Variants in MCM4 observed in about 807,000 individuals in gnomAD.
MCM4 encodes DNA replication licensing factor MCM4.
In MCM4, 60 loss-of-function variants were observed where a neutral mutation model predicts 88.7. The ratio of observed to expected loss-of-function variants is 0.68; its 90% confidence interval spans 0.55 to 0.84. The LOEUF (loss-of-function observed/expected upper bound fraction) is 0.84, where lower values mean the gene tolerates loss of function less well. Among genes scored for constraint, MCM4 ranks in the 40% least tolerant of loss-of-function variants. MCM4 has a pLI of 0.00. For synonymous variants in MCM4, 465 were observed against 410.5 expected, an observed-to-expected ratio of 1.13 and a Z score of -1.61; for missense variants, 1,149 against 1,105.5, an observed-to-expected ratio of 1.04 and a Z score of -0.56.
intron 15 of MCM4, 55 bp downstream of exon 15, chr8:47,975,017 T>A: frequency 7.3e-7 from 1 of 1,364,050 alleles, no homozygotes; most frequent in Non-Finnish European, 1.0e-6. Context: ...AATATGCATG[T>A]AGTTTATATG....
chr8:47,973,419 G>A (rs959256153), intron 14 of MCM4, among the ~76,000 whole-genome samples: 4 of 152,094 alleles, frequency 2.6e-5, no homozygotes, highest in Non-Finnish European at 2.9e-5. Context: ...CAAGTGATGC[G>A]CCAGCCTCTG....
Position 47,973,010 on chromosome 8 carries a change from G to T in MCM4, c.2082G>T (p.Ala694=), listed in dbSNP as rs201709288. The part of the protein sequence containing the change: ...MAVLKDYIAY[A]HSTIMPRLSE... ...TGCTAAAGGACTACATTGCCTACGC[G>T]CACAGCACCATCATGCCGCGGCTAA... is the stretch of plus-strand genomic sequence containing the variant. Residue 694 remains alanine, a synonymous_variant, in exon 14 of 17, where the codon GCG becomes GCT. Coordinates refer to ENST00000649973, the MANE Select transcript of MCM4 (RefSeq NM_182746.3). 3.1e-6 allele frequency: 5 copies of T among 1,614,022 alleles called. No homozygotes were observed. Among genetic ancestry groups the T allele is most frequent in the East Asian group, 2.2e-5 (1 of 44,872 alleles).
At chr8:47,972,344 C>T (rs1014691417) in intron 13 of MCM4, among the ~76,000 whole-genome samples, 3 of 151,858 alleles carry the variant, frequency 2.0e-5, no homozygotes, top group Admixed American at 6.6e-5. Context: ...TTCCCTGGGC[C>T]GACCTAAGGA....
In MCM4 at chr8:47,975,847, T is replaced by C; in HGVS notation, c.2498T>C (p.Ile833Thr). ...GAAGATATTCGGGGACAATCTGACA[T>C]AGTAAGTGTTTATATGTATTTTTTG... ...LFEDIRGQSD[I>T]AITKDMFEEA... The change falls in exon 16 of 17, where the codon ATA becomes ACA. Residue 833 changes from isoleucine to threonine, a missense_variant and splice_region_variant. Ile to Thr is a moderately conservative substitution (Grantham distance 89, BLOSUM62 -1). This residue lies in a region of MCM4 where 238 missense variants were observed against 241.6 expected (regional missense o/e 0.99). Transcript: ENST00000649973. The C allele has an allele frequency of 6.4e-7, 1 of 1,554,802 alleles. No homozygotes were observed. Among genetic ancestry groups the C allele is most frequent in the Admixed American group, 2.1e-5 (1 of 47,306 alleles).
At position 47,970,591 on chromosome 8, in the gene MCM4, C is replaced by G; in HGVS notation, c.1515C>G (p.Asn505Lys). 6.2e-7 allele frequency: 1 copy of G among 1,614,180 alleles called. No individual in the cohort carries two copies. Among genetic ancestry groups the G allele is most frequent in the Non-Finnish European group, 8.5e-7 (1 of 1,180,028 alleles). The part of the protein sequence containing the change: ...TGRGKFRAEI[N>K]ILLCGDPGTS... The stretch of plus-strand genomic sequence containing the variant: ...GGGGCAAATTTCGGGCTGAGATCAA[C>G]ATCTTGCTGTGTGGCGACCCTGGTA... The change falls in exon 12 of 17, where the codon AAC (asparagine) becomes AAG (lysine). Residue 505 changes from asparagine (N) to lysine (K), a missense_variant. By Grantham distance (94) the Asn-to-Lys change is moderately conservative. This residue lies in a region of MCM4 where 906 missense variants were observed against 843.0 expected (regional missense o/e 1.07). Transcript: ENST00000649973.
chr8:47,976,536 C>A (rs781409132), intron 16 of MCM4, 150 bp from the exon 17 acceptor site: 1 of 542,978 alleles, frequency 1.8e-6, no homozygotes, highest in Non-Finnish European at 3.4e-6. Context: ...TCTGGCTACT[C>A]CACTCCTGAT....
chr8:47,967,071 G>A (rs749729883), intron 9 of MCM4, among the ~76,000 whole-genome samples: 1 of 152,194 alleles, frequency 6.6e-6, no homozygotes, highest in Non-Finnish European at 1.5e-5. Flanking sequence ...AGCATCCTTA[G>A]GCCTCTCAGA....
chr8:47,970,883 C>A lies in MCM4; in HGVS notation c.1800+7C>A. On this transcript the variant is annotated splice_region_variant and intron_variant, in intron 12 of 16. Coordinates refer to ENST00000649973, the MANE Select transcript of MCM4 (RefSeq NM_182746.3). ...GACTCTGTCCATTGCAAAGGTGAGT[C>A]GCCTTCTCCACCGTGAACATGGACG... 4 of 1,576,718 alleles carry A rather than the reference C, an allele frequency of 2.5e-6. No homozygotes were observed. In the South Asian group the frequency reaches 4.6e-5, roughly 18 times the overall value.
At position 47,962,654 on chromosome 8, in the gene MCM4, A is replaced by G. The variant is rs149001405; in HGVS notation, c.502-110A>G. 6.2e-4 allele frequency: 466 copies of G among 751,814 alleles called. 1 individual carries two copies. The African/African-American group carries it at 7.0e-3, about 11-fold the overall frequency. The allele number at this position is 751,814 out of a possible 1,614,324, so 46.6% of individuals were successfully genotyped here. On this transcript the variant is annotated intron_variant, in intron 5 of 16. Coordinates refer to ENST00000649973, the MANE Select transcript of MCM4 (RefSeq NM_182746.3). The stretch of plus-strand genomic sequence containing the variant: ...TTAGAAAAGAAAAAGGAAGAAAAAT[A>G]TTATTTATTTCTGTCTCCTGATAGT...
intron 10 of MCM4, among the ~76,000 whole-genome samples, chr8:47,967,837 G>C (rs1289376318): frequency 6.6e-6 from 1 of 152,146 alleles, no homozygotes; most frequent in Non-Finnish European, 1.5e-5. Flanking sequence ...GTAAAGTTTT[G>C]AGTTATGCCA....
intron 15 of MCM4, 63 bp downstream of exon 15, chr8:47,975,025 A>G (rs2090989636): frequency 2.3e-6 from 3 of 1,309,910 alleles, no homozygotes; most frequent in African/African-American, 3.0e-5. Context: ...TGTAGTTTAT[A>G]TGTCAGATTT....
At chr8:47,966,500 C>T in intron 9 of MCM4, 93 bp downstream of exon 9, 1 of 1,249,424 alleles carries the variant, frequency 8.0e-7, no homozygotes, top group Non-Finnish European at 1.1e-6. Flanking sequence ...CTGAGCCTCA[C>T]TTCCCGAATG....
chr8:47,966,332 T>C lies in MCM4; in HGVS notation c.978T>C (p.Ser326=), dbSNP rs886062977. 1 of 1,613,970 alleles carries C rather than the reference T, an allele frequency of 6.2e-7. No homozygotes were observed. The highest frequency in any genetic ancestry group is 2.2e-5 in the East Asian group (1 of 44,878). The change falls in exon 9 of 17, where the codon AGT becomes AGC. Residue 326 remains serine (S), a synonymous_variant. Coordinates refer to ENST00000649973, the MANE Select transcript of MCM4 (RefSeq NM_182746.3). ...ACCGCGGCCGCATTGCAGAGCCCAG[T>C]GTGTGCGGGCGCTGCCACACCACCC... ...EMDRGRIAEP[S]VCGRCHTTHS...
rs745688232 is a variant in MCM4, at chr8:47,971,448, G to A, written c.1908G>A (p.Leu636=). The part of the protein sequence containing the change: ...PKKTTIENIQ[L]PHTLLSRFDL... ...AAACAACCATTGAAAACATCCAGCT[G>A]CCTCATACTTTATTATCAAGGTATT... The change falls in exon 13 of 17, where the codon CTG becomes CTA. Residue 636 remains leucine (L), a synonymous_variant. Transcript: ENST00000649973. 8.7e-6 allele frequency: 14 copies of A among 1,614,004 alleles called. No individual in the cohort carries two copies. The highest frequency in any genetic ancestry group is 1.2e-5 in the Non-Finnish European group (14 of 1,179,954).
intron 10 of MCM4, 152 bp from the exon 11 acceptor site, chr8:47,969,646 G>A: frequency 1.5e-6 from 1 of 672,328 alleles, no homozygotes; most frequent in South Asian, 1.9e-5. Context: ...GGGCTTGGGA[G>A]GGTCATTTAA....
rs143210975 is a variant in MCM4 at position 47,962,385 on chromosome 8, A to G, written c.480A>G (p.Ala160=). ...LVIWGTDVNV[A]ACKENFQRFL... ...TCTGGGGAACAGATGTAAATGTGGCAGCATGCAAAGAAAACTTTCAGGTGA... is the reference window on the plus strand; with the variant it reads ...TCTGGGGAACAGATGTAAATGTGGCGGCATGCAAAGAAAACTTTCAGGTGA... Residue 160 remains alanine, a synonymous_variant, in exon 5 of 17, where the codon GCA becomes GCG. Coordinates refer to ENST00000649973, the MANE Select transcript of MCM4 (RefSeq NM_182746.3). 6 of 1,614,122 alleles carry G rather than the reference A, an allele frequency of 3.7e-6. No homozygotes were observed. The highest frequency in any genetic ancestry group is 5.1e-6 in the Non-Finnish European group (6 of 1,180,034).
At chr8:47,963,067 A>G (rs1181420606) in intron 7 of MCM4, 27 bp downstream of exon 7, 4 of 1,267,466 alleles carry the variant, frequency 3.2e-6, no homozygotes, top group Non-Finnish European at 3.4e-6. Flanking sequence ...GACCTTGATG[A>G]ATTTTAGTAA....
chr8:47,964,522 T>C, intron 7 of MCM4, 52 bp from the exon 8 acceptor site: 1 of 1,419,218 alleles, frequency 7.0e-7, no homozygotes, highest in South Asian at 1.4e-5. Context: ...GCCTTTATTA[T>C]ATTTAACACT....
At position 47,962,988 on chromosome 8, in the gene MCM4, A is replaced by G; in HGVS notation, c.641A>G (p.His214Arg). 6.2e-7 allele frequency: 1 copy of G among 1,607,644 alleles called. No individual in the cohort carries two copies. Among genetic ancestry groups the G allele is most frequent in the Non-Finnish European group, 8.5e-7 (1 of 1,177,684 alleles). ...GEPFLNVNCE[H>R]IKSFDKNLYR... ...CCATTTTTAAATGTGAACTGTGAAC[A>G]CATCAAATCATTTGACAAAAATTTG... The change falls in exon 7 of 17, where the codon CAC becomes CGC. Residue 214 changes from histidine to arginine, a missense_variant. His to Arg is a conservative substitution (Grantham distance 29). Coordinates refer to ENST00000649973, the MANE Select transcript of MCM4 (RefSeq NM_182746.3).
Sources: allele counts gnomAD v4.1 joint callset (sites outside exome capture counted in the v4.1 genomes callset), GRCh38; gene constraint gnomAD v4.1.1; regional missense constraint gnomAD v4.1.1; transcripts MANE v1.5; gene names NCBI Gene and HGNC (gene_info 2026-07-23, HGNC 2026-07-21).